Variants in TARS1 observed in about 807,000 individuals in gnomAD.
TARS1 encodes threonyl-tRNA synthetase 1, also known as threonine--tRNA ligase 1, cytoplasmic.
TARS1 carries 57 observed loss-of-function variants against 97.7 expected under a neutral mutation model. The observed-to-expected ratio is 0.58, with a 90% confidence interval of 0.47 to 0.73. The LOEUF is 0.73. TARS1 is among the 30% of genes least tolerant of loss of function. The pLI is 0.00. For missense variants in TARS1, 806 were observed against 888.3 expected, an observed-to-expected ratio of 0.91 and a Z score of 1.18; for synonymous variants, 312 against 293.7, an observed-to-expected ratio of 1.06 and a Z score of -0.64.
chr5:33,442,054 G>T (rs1741127019), intron 1 of TARS1, among the ~76,000 whole-genome samples: 1 of 152,180 alleles, frequency 6.6e-6, no homozygotes, highest in Admixed American at 6.5e-5. Flanking sequence ...GCTGGCATTG[G>T]GATAGAAGGT....
intron 4 of TARS1, among the ~76,000 whole-genome samples, chr5:33,453,876 C>T (rs1244436243): frequency 6.6e-6 from 1 of 151,974 alleles, no homozygotes; most frequent in Non-Finnish European, 1.5e-5. Flanking sequence ...CGCACTACCA[C>T]ACTTGGCTAA....
chr5:33,440,977 T>C lies in TARS1; in HGVS notation c.-110T>C. 7.2e-7 allele frequency: 1 copy of C among 1,388,358 alleles called. No homozygotes were observed. Among genetic ancestry groups the C allele is most frequent in the Non-Finnish European group, 1.0e-6 (1 of 996,630 alleles). 86.0% of individuals were successfully genotyped at this position (1,388,358 alleles called of 1,614,324 possible). A position where few individuals can be genotyped will look rare whatever the true frequency, so the allele number is the denominator to read the frequency against. On this transcript the variant is annotated 5_prime_UTR_variant, in exon 1 of 19. Transcript: ENST00000265112. The stretch of plus-strand genomic sequence containing the variant: ...TAGGGCGCCTTTCGATTGCATCAGC[T>C]GGTCCAGCCGAGGCCAAGTCCCGGG...
chr5:33,446,832 C>G, intron 2 of TARS1: 1 of 1,003,326 alleles, frequency 1.0e-6, no homozygotes, highest in South Asian at 1.6e-5. Context: ...CTGAGGGGTT[C>G]AGATTATGGT....
At chr5:33,465,789 G>A (rs780233851) in intron 17 of TARS1, among the ~76,000 whole-genome samples, 1 of 152,114 alleles carries the variant, frequency 6.6e-6, no homozygotes, top group African/African-American at 2.4e-5. Flanking sequence ...CACATAACTC[G>A]CATTTGAGAA....
In TARS1 at chr5:33,441,075, C is replaced by T. The variant is rs368591247; in HGVS notation, c.-12C>T. ...TCGCTTTCGGGTTCTCTCATCGCTT[C>T]GTCGTTCGCCAATGTTTGAGGAGAA... On this transcript the variant is annotated 5_prime_UTR_variant, in exon 1 of 19. Transcript: ENST00000265112. The T allele has an allele frequency of 2.7e-5, 43 of 1,614,072 alleles. No homozygotes were observed. Among genetic ancestry groups the T allele is most frequent in the Non-Finnish European group, 3.6e-5 (42 of 1,180,028 alleles).
chr5:33,454,053 A>C (rs1022005950), intron 4 of TARS1, among the ~76,000 whole-genome samples: 1 of 152,156 alleles, frequency 6.6e-6, no homozygotes, highest in African/African-American at 2.4e-5. Flanking sequence ...AGATATGTAC[A>C]TTTGACAAAT....
In TARS1 at chr5:33,461,742, A is replaced by G; in HGVS notation, c.1627A>G (p.Lys543Glu). 2 of 1,613,460 alleles carry G rather than the reference A, an allele frequency of 1.2e-6. No individual in the cohort carries two copies. Among genetic ancestry groups the G allele is most frequent in the Non-Finnish European group, 1.7e-6 (2 of 1,179,470 alleles). ...NSGDGAFYGP[K>E]IDIQIKDAIG... The stretch of plus-strand genomic sequence containing the variant: ...TGGAGATGGAGCTTTCTATGGCCCA[A>G]AGGTGAGCACTAAAGTACATTTGGG... The change falls in exon 14 of 19, where the codon AAG becomes GAG. Residue 543 changes from lysine to glutamate, a missense_variant and splice_region_variant. Transcript: ENST00000265112.
At chr5:33,460,005 T>A (rs1579589248) in intron 11 of TARS1, 144 bp downstream of exon 11, 1 of 820,278 alleles carries the variant, frequency 1.2e-6, no homozygotes, top group Non-Finnish European at 1.8e-6. Flanking sequence ...GTATTATATC[T>A]TCTGCACCTG....
chr5:33,447,461 G>A (rs1432031534), intron 2 of TARS1, among the ~76,000 whole-genome samples: 3 of 152,112 alleles, frequency 2.0e-5, no homozygotes, highest in Non-Finnish European at 2.9e-5. Flanking sequence ...TGGCCAGGGT[G>A]GTATCGAACT....
At chr5:33,444,177 TC>T (rs1741296014) in intron 1 of TARS1, among the ~76,000 whole-genome samples, 22 of 152,238 alleles carry the variant, frequency 1.4e-4, no homozygotes, top group Admixed American at 1.4e-3. Context: ...AATGTGTGAT[TC>T]TATTTATATG....
intron 16 of TARS1, among the ~76,000 whole-genome samples, chr5:33,462,812 G>T (rs1486597775): frequency 6.6e-6 from 1 of 152,192 alleles, no homozygotes. Flanking sequence ...GCACCCGTGT[G>T]TAGAGCCTTC....
At chr5:33,459,478 T>A (rs1370226453) in intron 10 of TARS1, among the ~76,000 whole-genome samples, 1 of 152,224 alleles carries the variant, frequency 6.6e-6, no homozygotes, top group Non-Finnish European at 1.5e-5. Context: ...TGTCCCTTAT[T>A]ATCAGCCATG....
intron 6 of TARS1, 66 bp from the exon 7 acceptor site, chr5:33,455,936 G>A: frequency 1.4e-6 from 2 of 1,389,266 alleles, no homozygotes; most frequent in Admixed American, 1.8e-5. Context: ...CTACGTTTTA[G>A]CTATAGTACT....
chr5:33,455,508 A>G, intron 5 of TARS1, 79 bp from the exon 6 acceptor site: 1 of 896,874 alleles, frequency 1.1e-6, no homozygotes, highest in Non-Finnish European at 1.7e-6. Context: ...TATTCCAAAT[A>G]CTATTTCCAA....
At chr5:33,459,894 T>G in intron 11 of TARS1, 33 bp downstream of exon 11, 1 of 1,592,334 alleles carries the variant, frequency 6.3e-7, no homozygotes, top group Non-Finnish European at 8.6e-7. Flanking sequence ...TACTGAAGAT[T>G]TTCACATGCT....
chr5:33,444,870 C>T (rs115335493), intron 1 of TARS1, among the ~76,000 whole-genome samples: 1,906 of 152,254 alleles, frequency 0.013, 46 homozygotes, highest in African/African-American at 0.044. Flanking sequence ...ACTAGGTTTA[C>T]ACATGGTAGG....
chr5:33,467,615 T>C lies in TARS1; in HGVS notation c.2079T>C (p.Asn693=), dbSNP rs773032635. The change falls in exon 19 of 19, where the codon AAT becomes AAC. Residue 693 remains asparagine (N), a synonymous_variant. Coordinates refer to ENST00000265112, the MANE Select transcript of TARS1 (RefSeq NM_152295.5). ...CTGTTAATATCCGCACAAGAGACAA[T>C]AAGGTCCACGGGGAACGCACCATTT... ...SGTVNIRTRD[N]KVHGERTISE... is the part of the protein sequence containing the mutation. The C allele has an allele frequency of 1.2e-6, 2 of 1,613,808 alleles. No homozygotes were observed. Among genetic ancestry groups the C allele is most frequent in the South Asian group, 1.1e-5 (1 of 91,050 alleles).
intron 1 of TARS1, among the ~76,000 whole-genome samples, chr5:33,444,209 T>G (rs545930771): frequency 6.6e-6 from 1 of 152,252 alleles, no homozygotes; most frequent in South Asian, 2.1e-4. Flanking sequence ...AATAGGCAAA[T>G]CTATAGAAAC....
chr5:33,461,806 TC>T, intron 14 of TARS1, 62 bp downstream of exon 14: 1 of 1,595,768 alleles, frequency 6.3e-7, no homozygotes, highest in Admixed American at 1.7e-5. Flanking sequence ...AGATACGACT[TC>T]GAAAAAAGTT....
Sources: allele counts gnomAD v4.1 joint callset (sites outside exome capture counted in the v4.1 genomes callset), GRCh38; gene constraint gnomAD v4.1.1; transcripts MANE v1.5; gene names NCBI Gene and HGNC (gene_info 2026-07-23, HGNC 2026-07-21).